The following ZNF454 variants were observed in gnomAD, a reference collection of about 807,000 sequenced individuals.
ZNF454 encodes zinc finger protein 454.
A neutral mutation model predicts 48.2 loss-of-function variants in ZNF454; 30 were observed. That is an observed-to-expected ratio of 0.62 (90% CI 0.47 to 0.84). ZNF454 has a LOEUF of 0.84. Among genes scored for constraint, ZNF454 ranks in the 40% least tolerant of loss-of-function variants. ZNF454 has a pLI of 0.00. For missense variants in ZNF454, 510 were observed against 623.1 expected, an observed-to-expected ratio of 0.82 and a Z score of 1.93; for synonymous variants, 204 against 211.4, an observed-to-expected ratio of 0.97 and a Z score of 0.30.
chr5:178,974,628 T>G, the ZNF454 span, among the ~76,000 whole-genome samples: 1 of 152,082 alleles, frequency 6.6e-6, no homozygotes, highest in Non-Finnish European at 1.5e-5. Flanking sequence ...TCTAATGGTT[T>G]CTGTACTTAC....
At chr5:178,972,606 A>T in the ZNF454 span, among the ~76,000 whole-genome samples, 1 of 152,174 alleles carries the variant, frequency 6.6e-6, no homozygotes, top group Non-Finnish European at 1.5e-5. Context: ...GTCTTTCTCC[A>T]AAGAAGAGAG....
At chr5:178,986,121 C>G in the ZNF454 span, 1 of 1,611,514 alleles carries the variant, frequency 6.2e-7, no homozygotes, top group Non-Finnish European at 8.5e-7. Context: ...TGGGAGCCTA[C>G]GGACCCACCT....
At chr5:178,942,180 G>A (rs778199188) in intron 1 of ZNF454, among the ~76,000 whole-genome samples, 8 of 152,316 alleles carry the variant, frequency 5.3e-5, no homozygotes, top group East Asian at 1.9e-4. Flanking sequence ...GAGGCGAGCC[G>A]ATCACCTGAG....
chr5:178,957,988 A>G (rs1044269686), intron 4 of ZNF454, among the ~76,000 whole-genome samples: 4 of 152,346 alleles, frequency 2.6e-5, no homozygotes, highest in East Asian at 3.8e-4. Flanking sequence ...ACAATCAATA[A>G]AAGGTTTTAA....
rs750179748 is a variant in ZNF454 at position 178,965,277 on chromosome 5, T to C, written c.873T>C (p.His291=). Residue 291 remains histidine (H), a synonymous_variant, in exon 5 of 5, where the codon CAT becomes CAC. Transcript: ENST00000519564. This position sits in a 1 kb window ranked among gnomAD's most constrained non-coding sequence, Gnocchi z 5.2. ...GAAATATACACCTTGCCCATCATCA[T>C]AGAATACATACTGGAGAGAAACCTT... ...FIRNIHLAHH[H]RIHTGEKPFK... 10 of 1,614,096 alleles carry C rather than the reference T, an allele frequency of 6.2e-6. No homozygotes were observed. Among genetic ancestry groups the C allele is most frequent in the African/African-American group, 4.0e-5 (3 of 74,942 alleles).
chr5:178,985,706 A>T, the ZNF454 span: 1 of 414,138 alleles, frequency 2.4e-6, no homozygotes, highest in Non-Finnish European at 4.7e-6. Flanking sequence ...CTGTCTAAAA[A>T]AAAAAAAACA....
the ZNF454 span, chr5:178,980,122 G>A: frequency 4.9e-3 from 757 of 154,380 alleles, 4 homozygotes; most frequent in African/African-American, 0.018. This position sits in a 1 kb window ranked among gnomAD's most constrained non-coding sequence, Gnocchi z 4.3. Flanking sequence ...CTAGTCCCAC[G>A]GTCAAAACCA....
At chr5:178,950,347 A>T (rs1759502465) in intron 4 of ZNF454, among the ~76,000 whole-genome samples, 1 of 152,226 alleles carries the variant, frequency 6.6e-6, no homozygotes, top group African/African-American at 2.4e-5. Context: ...GCGCCTTTTC[A>T]TCCTTATAAC....
At chr5:178,981,417 G>C in the ZNF454 span, 1 of 544,696 alleles carries the variant, frequency 1.8e-6, no homozygotes, top group Non-Finnish European at 3.3e-6. The surrounding 1 kb of genome is among the most constrained non-coding windows in gnomAD (Gnocchi z 5.1). Context: ...CTCGGTGGCT[G>C]TTTCCCACCA....
At chr5:178,985,478 C>A in the ZNF454 span, 23 of 339,296 alleles carry the variant, frequency 6.8e-5, no homozygotes, top group East Asian at 5.1e-4. Context: ...CCGAGGTGGG[C>A]GGATCACGAG....
chr5:178,951,485 C>T (rs934776122), intron 4 of ZNF454, among the ~76,000 whole-genome samples: 2 of 152,154 alleles, frequency 1.3e-5, no homozygotes, highest in Non-Finnish European at 2.9e-5. Context: ...TTGCCACAGA[C>T]GTCTATAGAT....
chr5:178,973,251 C>A, the ZNF454 span, among the ~76,000 whole-genome samples: 1 of 151,960 alleles, frequency 6.6e-6, no homozygotes, highest in Non-Finnish European at 1.5e-5. Flanking sequence ...TGCAGGGGAC[C>A]TTGGCAGGAC....
At chr5:178,981,259 G>A in the ZNF454 span, 5 of 225,370 alleles carry the variant, frequency 2.2e-5, no homozygotes, top group South Asian at 3.0e-4. This position sits in a 1 kb window ranked among gnomAD's most constrained non-coding sequence, Gnocchi z 5.1. Context: ...GGGTCTACAC[G>A]TTCTTCCACA....
the ZNF454 span, among the ~76,000 whole-genome samples, chr5:178,984,250 GC>G: frequency 3.3e-5 from 5 of 151,412 alleles, no homozygotes; most frequent in African/African-American, 1.2e-4. Context: ...CACCAAAACG[GC>G]CCACAGATGC....
At chr5:178,982,869 G>A in the ZNF454 span, 1 of 1,408,402 alleles carries the variant, frequency 7.1e-7, no homozygotes, top group East Asian at 2.3e-5. Flanking sequence ...CAGCCTGACA[G>A]GCAGGAAACA....
the ZNF454 span, among the ~76,000 whole-genome samples, chr5:178,975,501 T>C: frequency 5.0e-3 from 759 of 152,334 alleles, 4 homozygotes; most frequent in African/African-American, 0.018. Flanking sequence ...TGTAATATAC[T>C]CTGAAAAGAC....
the ZNF454 span, chr5:178,978,528 A>G: frequency 6.6e-6 from 1 of 152,240 alleles, no homozygotes; most frequent in Non-Finnish European, 1.5e-5. Context: ...TACTATACAG[A>G]AGCTCTTCTG....
chr5:178,985,619 C>T, the ZNF454 span: 4,423 of 360,130 alleles, frequency 0.012, 178 homozygotes, highest in Admixed American at 0.092. Flanking sequence ...AGGAGAATGG[C>T]GTGAACCCGG....
At chr5:178,985,056 G>A in the ZNF454 span, among the ~76,000 whole-genome samples, 662 of 152,104 alleles carry the variant, frequency 4.4e-3, 2 homozygotes, top group African/African-American at 0.015. Context: ...ATTATTTAAC[G>A]GCCAGCACGA....
Sources: allele counts gnomAD v4.1 joint callset (sites outside exome capture counted in the v4.1 genomes callset), GRCh38; gene constraint gnomAD v4.1.1; non-coding constraint Gnocchi (gnomAD v3.1); transcripts MANE v1.5; gene names NCBI Gene and HGNC (gene_info 2026-07-23, HGNC 2026-07-21).